The following JPH3 variants were observed in gnomAD, a reference collection of about 807,000 sequenced individuals.
JPH3 encodes the protein junctophilin 3.
Under a neutral mutation model 59.6 loss-of-function variants are expected in JPH3, and 11 were observed. The observed-to-expected ratio is 0.18, with a 90% CI of 0.12 to 0.31. The LOEUF (loss-of-function observed/expected upper bound fraction) is 0.31, where lower values mean the gene tolerates loss of function less well. Ranked by LOEUF, JPH3 falls within the 10% of genes least tolerant of loss-of-function variation. The pLI, the probability that JPH3 is intolerant of heterozygous loss-of-function variation, is 1.00. For missense variants in JPH3, 1,202 were observed against 1,105.7 expected (o/e 1.09, Z -1.24); for synonymous variants, 673 against 483.6 (o/e 1.39, Z -5.14).
intron 2 of JPH3, among the ~76,000 whole-genome samples, chr16:87,655,639 C>A (rs570233178): frequency 6.6e-6 from 1 of 152,354 alleles, no homozygotes; most frequent in East Asian, 1.9e-4. Flanking sequence ...AGGCGTGAGC[C>A]ACTATGCCTG....
chr16:87,636,275 C>T (rs1425502721), intron 1 of JPH3, among the ~76,000 whole-genome samples: 4 of 152,216 alleles, frequency 2.6e-5, no homozygotes, highest in Non-Finnish European at 2.9e-5. Flanking sequence ...CTGCGCCGTT[C>T]AGCTCAGTTG....
At position 87,611,004 on chromosome 16, in the gene JPH3, C is replaced by A. The variant is rs904052285; in HGVS notation, c.382+7476C>A. 2.6e-5 allele frequency among the ~76,000 whole-genome samples: 4 copies of A among 152,190 alleles called. No homozygotes were observed. Among genetic ancestry groups the A allele is most frequent in the African/African-American group, 9.7e-5 (4 of 41,432 alleles). On this transcript the variant is annotated intron_variant, in intron 1 of 4. Transcript: ENST00000284262. This position sits in a 1 kb window ranked among gnomAD's most constrained non-coding sequence, Gnocchi z 4.5. The stretch of plus-strand genomic sequence containing the variant: ...TGCCAAGTTCAGACCGTGTTCAAGG[C>A]ACAAAGACAGAAAAGCTCAGGTCCA...
At chr16:87,695,758 G>A (rs1398036225) in intron 4 of JPH3, 3 of 455,976 alleles carry the variant, frequency 6.6e-6, no homozygotes, top group African/African-American at 6.0e-5. Flanking sequence ...GAACACAGCA[G>A]AGTGCAGGAC....
intron 1 of JPH3, among the ~76,000 whole-genome samples, chr16:87,640,593 A>T (rs1016176672): frequency 6.6e-6 from 1 of 151,858 alleles, no homozygotes; most frequent in African/African-American, 2.4e-5. Flanking sequence ...GGATTTCACT[A>T]TGTTGGCCAG....
chr16:87,637,960 A>C (rs1227670371), intron 1 of JPH3, among the ~76,000 whole-genome samples: 4 of 152,186 alleles, frequency 2.6e-5, no homozygotes, highest in Non-Finnish European at 5.9e-5. Flanking sequence ...CTTGTTGCCC[A>C]GACTGGAGTG....
rs1219372476 is a variant in JPH3, at chr16:87,602,520, C to T, written c.-627C>T. ...CGCCGCGCGGCCCGAGCGCGCGAGC[C>T]GGGCCCGGAGCGCACGCCGCCGCCG... On this transcript the variant is annotated 5_prime_UTR_variant, in exon 1 of 5. Transcript: ENST00000284262. Among the ~76,000 whole-genome samples, 4 of 136,096 alleles carry T rather than the reference C, an allele frequency of 2.9e-5. No individual in the cohort carries two copies. Among genetic ancestry groups the T allele is most frequent in the Non-Finnish European group, 6.4e-5 (4 of 62,460 alleles). 89.3% of individuals were successfully genotyped at this position (136,096 alleles called of 152,430 possible). A position where few individuals can be genotyped will look rare whatever the true frequency, so the allele number is the denominator to read the frequency against.
At chr16:87,690,632 T>G in intron 4 of JPH3, 106 bp downstream of exon 4, 4 of 1,171,018 alleles carry the variant, frequency 3.4e-6, no homozygotes, top group South Asian at 5.1e-5. Context: ...CCCCTGTTCC[T>G]CTCCAGGGGT....
intron 2 of JPH3, among the ~76,000 whole-genome samples, chr16:87,664,322 ACT>A (rs1454785976): frequency 2.7e-5 from 3 of 113,134 alleles, no homozygotes; most frequent in South Asian, 2.9e-4. Flanking sequence ...ACAGAATGAG[ACT>A]CTGTCTGAAA....
At chr16:87,604,531 C>T (rs908216431) in intron 1 of JPH3, 1 of 1,269,390 alleles carries the variant, frequency 7.9e-7, no homozygotes, top group Non-Finnish European at 1.0e-6. Context: ...CCTCTGCCTC[C>T]CTCGGGCGGC....
At chr16:87,658,291 T>G (rs889700366) in intron 2 of JPH3, among the ~76,000 whole-genome samples, 3 of 152,212 alleles carry the variant, frequency 2.0e-5, no homozygotes, top group African/African-American at 4.8e-5. Flanking sequence ...CTGCATTGTC[T>G]GCCTTTGAAA....
intron 2 of JPH3, among the ~76,000 whole-genome samples, chr16:87,657,195 A>G (rs1328926022): frequency 6.6e-6 from 1 of 152,032 alleles, no homozygotes; most frequent in African/African-American, 2.4e-5. Context: ...AACAGTAATA[A>G]ATAAAAAGGA....
chr16:87,675,428 C>A (rs2150869189), intron 2 of JPH3, among the ~76,000 whole-genome samples: 1 of 152,324 alleles, frequency 6.6e-6, no homozygotes, highest in South Asian at 2.1e-4. Flanking sequence ...CTGCCCTGTG[C>A]TTTGAGGCCC....
At chr16:87,634,016 A>T (rs148814530) in intron 1 of JPH3, among the ~76,000 whole-genome samples, 12 of 152,076 alleles carry the variant, frequency 7.9e-5, no homozygotes, top group African/African-American at 2.9e-4. Context: ...GCGGCATAGG[A>T]TTAGCTTGTA....
intron 1 of JPH3, among the ~76,000 whole-genome samples, chr16:87,642,280 G>C (rs971354058): frequency 6.6e-6 from 1 of 152,004 alleles, no homozygotes; most frequent in Non-Finnish European, 1.5e-5. Context: ...GGGCTGCTTC[G>C]CTCCGAGAGA....
chr16:87,667,201 C>A (rs7203010), intron 2 of JPH3, among the ~76,000 whole-genome samples: 3 of 151,988 alleles, frequency 2.0e-5, no homozygotes, highest in Non-Finnish European at 4.4e-5. Flanking sequence ...CCCTCTGCCC[C>A]GTCCTGAGCA....
chr16:87,651,589 C>T (rs779630180), intron 2 of JPH3, among the ~76,000 whole-genome samples: 2 of 152,212 alleles, frequency 1.3e-5, no homozygotes, highest in South Asian at 4.1e-4. Flanking sequence ...CTCAAGACTT[C>T]AGTGGAGGAA....
intron 2 of JPH3, chr16:87,655,093 T>C (rs6540067): frequency 0.48 from 72,524 of 151,866 alleles, 18,250 homozygotes; most frequent in East Asian, 0.68. Flanking sequence ...CGAGTGGGGC[T>C]CTGCTTGGTT....
At chr16:87,642,805 G>T (rs1356688179) in intron 1 of JPH3, among the ~76,000 whole-genome samples, 2 of 152,266 alleles carry the variant, frequency 1.3e-5, no homozygotes, top group Non-Finnish European at 2.9e-5. Flanking sequence ...AGGGCCAGCG[G>T]GGCCCAGAAA....
intron 2 of JPH3, among the ~76,000 whole-genome samples, chr16:87,647,767 AG>A (rs1290610552): frequency 6.6e-6 from 1 of 152,052 alleles, no homozygotes; most frequent in Non-Finnish European, 1.5e-5. Flanking sequence ...CTGTGGAGCC[AG>A]GGTGTACGGC....
Sources: gnomAD v4.1 joint callset for allele counts (sites outside exome capture counted in the v4.1 genomes callset) on GRCh38, gnomAD v4.1.1 for gene constraint, Gnocchi (gnomAD v3.1) non-coding constraint, MANE v1.5 for transcripts, NCBI Gene and HGNC (gene_info 2026-07-23, HGNC 2026-07-21) for gene names.